Variants in MYO3A observed in about 807,000 individuals in gnomAD.
MYO3A encodes myosin-IIIa.
A neutral mutation model predicts 192.7 loss-of-function variants in MYO3A; 180 were observed. The observed-to-expected ratio is 0.93, with a 90% CI of 0.83 to 1.06. MYO3A has a LOEUF of 1.06. Ranked by LOEUF, MYO3A falls within the 50% of genes least tolerant of loss-of-function variation. The probability of loss-of-function intolerance (pLI) is 0.00; values close to 1 mark genes in which losing one functional copy is unlikely to be tolerated. For missense variants in MYO3A, 1,896 were observed against 1,905.0 expected (o/e 1.00, Z 0.09); for synonymous variants, 628 against 645.3 (o/e 0.97, Z 0.41).
At chr10:26,114,933 GA>G (rs911973105) in intron 17 of MYO3A, among the ~76,000 whole-genome samples, 5 of 152,070 alleles carry the variant, frequency 3.3e-5, no homozygotes, top group Admixed American at 6.5e-5. Context: ...CCCAGAATGG[GA>G]AAAAAAGAAC....
At chr10:26,103,556 T>C (rs763171464) in intron 17 of MYO3A, among the ~76,000 whole-genome samples, 3 of 152,242 alleles carry the variant, frequency 2.0e-5, no homozygotes, top group Non-Finnish European at 4.4e-5. Context: ...TTTCATTTTA[T>C]GGGTATACTT....
intron 14 of MYO3A, among the ~76,000 whole-genome samples, chr10:26,081,790 C>T (rs540378851): frequency 2.6e-5 from 4 of 152,270 alleles, no homozygotes; most frequent in East Asian, 1.9e-4. Flanking sequence ...GATTCAGTTC[C>T]GTGTAAAGCC....
chr10:25,961,280 A>G (rs1837913766), intron 4 of MYO3A, among the ~76,000 whole-genome samples: 1 of 152,114 alleles, frequency 6.6e-6, no homozygotes, highest in Non-Finnish European at 1.5e-5. Flanking sequence ...ATATTGAATG[A>G]GATCATTCAT....
intron 15 of MYO3A, among the ~76,000 whole-genome samples, chr10:26,093,760 C>G (rs536946698): frequency 1.3e-5 from 2 of 152,194 alleles, no homozygotes; most frequent in South Asian, 4.2e-4. Flanking sequence ...AAAGACATAC[C>G]TCTCCCCCTC....
At chr10:26,111,031 A>G (rs1838146393) in intron 17 of MYO3A, among the ~76,000 whole-genome samples, 1 of 151,832 alleles carries the variant, frequency 6.6e-6, no homozygotes, top group Non-Finnish European at 1.5e-5. Context: ...TGCCCAGCTA[A>G]CTTTTTAAAA....
intron 31 of MYO3A, among the ~76,000 whole-genome samples, chr10:26,189,086 A>G (rs7089901): frequency 7.9e-5 from 12 of 152,220 alleles, no homozygotes; most frequent in African/African-American, 2.9e-4. Context: ...TGCTCAATGA[A>G]ATAAAAGAGG....
At chr10:26,157,278 A>G in intron 25 of MYO3A, 32 bp from the exon 26 acceptor site, 1 of 1,600,680 alleles carries the variant, frequency 6.2e-7, no homozygotes, top group African/African-American at 1.3e-5. Context: ...TGTATGCTAC[A>G]TTGGGAAATT....
chr10:25,982,366 C>T (rs1340845997), intron 4 of MYO3A, among the ~76,000 whole-genome samples: 1 of 152,144 alleles, frequency 6.6e-6, no homozygotes, highest in African/African-American at 2.4e-5. Flanking sequence ...AGCTCTATGG[C>T]CCTGCTCACC....
chr10:25,963,055 T>C (rs1838040934), intron 4 of MYO3A, among the ~76,000 whole-genome samples: 1 of 152,168 alleles, frequency 6.6e-6, no homozygotes, highest in South Asian at 2.1e-4. Flanking sequence ...AATTGCTCCT[T>C]TCACAGTGGT....
chr10:26,034,024 C>T (rs1231019983), intron 10 of MYO3A, among the ~76,000 whole-genome samples: 5 of 152,052 alleles, frequency 3.3e-5, no homozygotes, highest in African/African-American at 1.2e-4. Flanking sequence ...TGACCTGTGT[C>T]CATGACAGCC....
At position 26,036,256 on chromosome 10, in the gene MYO3A, TAATTA is replaced by T. The variant is rs1388175798; in HGVS notation, c.953+9731_953+9735del. 5.5e-5 allele frequency among the ~76,000 whole-genome samples: 8 copies of T among 145,286 alleles called. No individual in the cohort carries two copies. In the East Asian group the frequency reaches 1.6e-3, roughly 29 times the overall value. On this transcript the variant is annotated intron_variant, in intron 10 of 34. Coordinates refer to ENST00000642920, the MANE Select transcript of MYO3A (RefSeq NM_017433.5). ...GCCCAGCCCCCTAAGACTATTTTTT[TAATTA>T]AATTAAGGATACAGAGTGTGGAAAA...
Position 26,088,235 on chromosome 10 carries a change from A to T in MYO3A, c.1392A>T (p.Leu464Phe), listed in dbSNP as rs753341200. ...ACAGAACCTTGCAAGAGAAGATTTT[A>T]CAAGTGAACAATTTGGTAGAAGCCT... ...ANNRTLQEKI[L>F]QVNNLVEAFG... The change falls in exon 15 of 35, where the codon TTA becomes TTT. Residue 464 changes from leucine (L) to phenylalanine (F), a missense_variant. Coordinates refer to ENST00000642920, the MANE Select transcript of MYO3A (RefSeq NM_017433.5). The T allele has an allele frequency of 6.2e-7, 1 of 1,612,446 alleles. No homozygotes were observed. Among genetic ancestry groups the T allele is most frequent in the South Asian group, 1.1e-5 (1 of 90,774 alleles).
At chr10:25,985,248 A>AC (rs1839579508) in intron 4 of MYO3A, among the ~76,000 whole-genome samples, 2 of 151,060 alleles carry the variant, frequency 1.3e-5, no homozygotes, top group African/African-American at 4.9e-5. Context: ...AAAAAAAAAA[A>AC]AAAAAAAAAA....
intron 11 of MYO3A, 65 bp downstream of exon 11, chr10:26,067,139 G>C: frequency 9.8e-7 from 1 of 1,025,536 alleles, no homozygotes; most frequent in Non-Finnish European, 1.5e-6. Flanking sequence ...AGAAGACACG[G>C]GTATTGGTAG....
At position 26,160,770 on chromosome 10, in the gene MYO3A, CTT is replaced by C. The variant is rs1300781052; in HGVS notation, c.2999+3256_2999+3257del. ...GTTGGTGTGCCAAAAGCTAGCGGGA[CTT>C]AGATTGGATTGGGTTGGTAGAGTGG... On this transcript the variant is annotated intron_variant, in intron 26 of 34. Coordinates refer to ENST00000642920, the MANE Select transcript of MYO3A (RefSeq NM_017433.5). Among the ~76,000 whole-genome samples the C allele has an allele frequency of 6.6e-5, 10 of 152,070 alleles. No homozygotes were observed. The East Asian group carries it at 1.9e-3, about 29-fold the overall frequency.
intron 17 of MYO3A, among the ~76,000 whole-genome samples, chr10:26,112,313 C>T (rs183053076): frequency 6.6e-6 from 1 of 152,250 alleles, no homozygotes; most frequent in Admixed American, 6.5e-5. Flanking sequence ...GGTGATTCTC[C>T]GAGGGTGTGG....
At chr10:25,938,421 G>A (rs1836254816) in intron 2 of MYO3A, among the ~76,000 whole-genome samples, 1 of 152,206 alleles carries the variant, frequency 6.6e-6, no homozygotes, top group African/African-American at 2.4e-5. Context: ...GGTAAAGAAT[G>A]TGGATTTTGT....
intron 17 of MYO3A, among the ~76,000 whole-genome samples, chr10:26,108,013 G>T (rs534421838): frequency 9.9e-5 from 15 of 151,698 alleles, no homozygotes; most frequent in Admixed American, 5.9e-4. Context: ...AGCATTTAAG[G>T]CTAGAAATTT....
chr10:25,997,393 A>T, intron 6 of MYO3A, 135 bp downstream of exon 6: 1 of 719,914 alleles, frequency 1.4e-6, no homozygotes. Flanking sequence ...TTGAGGTAAG[A>T]AGTGCAGAGA....
Sources: allele counts gnomAD v4.1 joint callset (sites outside exome capture counted in the v4.1 genomes callset), GRCh38; gene constraint gnomAD v4.1.1; transcripts MANE v1.5; gene names NCBI Gene and HGNC (gene_info 2026-07-23, HGNC 2026-07-21).